The following EPHA6 variants were observed in gnomAD, a reference collection of about 807,000 sequenced individuals.
EPHA6 encodes EPH receptor A6, also known as ephrin type-A receptor 6.
Under a neutral mutation model 112.0 loss-of-function variants are expected in EPHA6, and 50 were observed. The ratio of observed to expected loss-of-function variants is 0.45; its 90% confidence interval spans 0.36 to 0.56. The LOEUF (loss-of-function observed/expected upper bound fraction) is 0.56, where lower values mean the gene tolerates loss of function less well. Ranked by LOEUF, EPHA6 falls within the 20% of genes least tolerant of loss-of-function variation. The pLI is 0.00. For synonymous variants in EPHA6, 529 were observed against 490.7 expected, an observed-to-expected ratio of 1.08 and a Z score of -1.03; for missense variants, 1,280 against 1,417.4, an observed-to-expected ratio of 0.90 and a Z score of 1.56.
chr3:96,919,648 G>C (rs2039661310), intron 2 of EPHA6, among the ~76,000 whole-genome samples: 1 of 151,834 alleles, frequency 6.6e-6, no homozygotes, highest in East Asian at 1.9e-4. Flanking sequence ...ACTATTTAAA[G>C]TTTCATAGAT....
intron 5 of EPHA6, among the ~76,000 whole-genome samples, chr3:97,357,886 A>C (rs1310202996): frequency 2.0e-5 from 3 of 152,216 alleles, no homozygotes; most frequent in Non-Finnish European, 4.4e-5. Context: ...GTGGAACATC[A>C]TAAAGGTCTT....
chr3:97,668,402 T>C (rs1361755255), intron 14 of EPHA6, among the ~76,000 whole-genome samples: 1 of 152,196 alleles, frequency 6.6e-6, no homozygotes, highest in Non-Finnish European at 1.5e-5. Flanking sequence ...TTGTCCAAGA[T>C]GTCAGAAATC....
Position 97,510,599 on chromosome 3 carries a change from C to T in EPHA6, c.2201-21759C>T, listed in dbSNP as rs1289586424. Among the ~76,000 whole-genome samples the T allele has an allele frequency of 2.0e-5, 3 of 152,214 alleles. No individual in the cohort carries two copies. In the East Asian group the frequency reaches 5.8e-4, roughly 30 times the overall value. On this transcript the variant is annotated intron_variant, in intron 10 of 17. Transcript: ENST00000389672. ...GGGCACCCACCAGATGCCAGTGGAG[C>T]TCTGTTATATGGGGTGTCTGTTGAC...
intron 7 of EPHA6, among the ~76,000 whole-genome samples, chr3:97,457,449 GA>G: frequency 6.6e-6 from 1 of 151,448 alleles, no homozygotes; most frequent in East Asian, 1.9e-4. Context: ...TTTCAGAGCT[GA>G]AAAAAAATCT....
At chr3:97,733,744 G>T (rs1466593) in intron 15 of EPHA6, among the ~76,000 whole-genome samples, 149,376 of 152,156 alleles carry the variant, frequency 0.98, 73,343 homozygotes, top group East Asian at 0.99. Flanking sequence ...CAGTTTGAGA[G>T]TATATTGTGC....
Position 96,925,421 on chromosome 3 carries a change from T to A in EPHA6, c.450+58532T>A, listed in dbSNP as rs535453106. ...TATCCATTTCTTCTAGATTTTCTAG[T>A]TTATTTGCATAGAGATGTTTATAGT... On this transcript the variant is annotated intron_variant, in intron 2 of 17. Transcript: ENST00000389672. 2.0e-5 allele frequency among the ~76,000 whole-genome samples: 3 copies of A among 152,296 alleles called. No homozygotes were observed. In the South Asian group the frequency reaches 6.2e-4, roughly 32 times the overall value.
chr3:97,584,382 A>G (rs1256221556), intron 11 of EPHA6, among the ~76,000 whole-genome samples: 1 of 152,144 alleles, frequency 6.6e-6, no homozygotes, highest in Non-Finnish European at 1.5e-5. Flanking sequence ...ATCATCCAAG[A>G]GATGTATTTT....
intron 3 of EPHA6, among the ~76,000 whole-genome samples, chr3:97,109,311 T>G (rs144614735): frequency 5.4e-4 from 82 of 152,246 alleles, no homozygotes; most frequent in African/African-American, 1.9e-3. Flanking sequence ...GACCCAAATT[T>G]AGGGTGAAGA....
rs2041912835 is a variant in EPHA6, at chr3:96,960,421, A to G, written c.451-26909A>G. Among the ~76,000 whole-genome samples, 3 of 152,110 alleles carry G rather than the reference A, an allele frequency of 2.0e-5. No individual in the cohort carries two copies. In the South Asian group the frequency reaches 6.2e-4, roughly 32 times the overall value. ...GGCTTCCCGTTTTGCCACTTTTGGC[A>G]ATTGCATCAACCTTCCCTCTTATAG... On this transcript the variant is annotated intron_variant, in intron 2 of 17. Transcript: ENST00000389672.
intron 1 of EPHA6, among the ~76,000 whole-genome samples, chr3:96,859,954 G>T (rs921395545): frequency 1.3e-5 from 2 of 152,050 alleles, no homozygotes; most frequent in African/African-American, 4.8e-5. Context: ...TGCTATATAT[G>T]CTATAAACTA....
At chr3:97,358,884 C>T (rs568511556) in intron 5 of EPHA6, among the ~76,000 whole-genome samples, 1 of 152,240 alleles carries the variant, frequency 6.6e-6, no homozygotes, top group South Asian at 2.1e-4. Context: ...CCACTGACTT[C>T]TGGCCTCCAA....
intron 10 of EPHA6, among the ~76,000 whole-genome samples, chr3:97,493,662 A>G (rs2091907145): frequency 7.0e-6 from 1 of 142,284 alleles, no homozygotes; most frequent in Admixed American, 6.8e-5. Context: ...GGAAGAAAGC[A>G]AGATATTACC....
At chr3:97,567,415 G>T (rs963829850) in intron 11 of EPHA6, among the ~76,000 whole-genome samples, 11 of 152,086 alleles carry the variant, frequency 7.2e-5, no homozygotes, top group African/African-American at 2.4e-4. Flanking sequence ...TATAAAATGG[G>T]CTAATAATAG....
Position 97,760,460 on chromosome 3 carries a change from CATT to C in EPHA6, c.*11766_*11768del, listed in dbSNP as rs1332560451. 5.7e-6 allele frequency: 1 copy of C among 173,976 alleles called. No homozygotes were observed. The highest frequency in any genetic ancestry group is 1.2e-5 in the Non-Finnish European group (1 of 80,908). 10.8% of individuals were successfully genotyped at this position (173,976 alleles called of 1,614,324 possible). A position where few individuals can be genotyped will look rare whatever the true frequency, so the allele number is the denominator to read the frequency against. On this transcript the variant is annotated 3_prime_UTR_variant, in exon 18 of 18. Transcript: ENST00000389672. ...TTCAATATGTTGGAATTTAAAGATG[CATT>C]ATTATTTGGATTTGATGTGAAATTA...
At chr3:96,947,832 C>G (rs898547473) in intron 2 of EPHA6, among the ~76,000 whole-genome samples, 1 of 152,046 alleles carries the variant, frequency 6.6e-6, no homozygotes, top group African/African-American at 2.4e-5. Flanking sequence ...CCCAAGGTAA[C>G]TTATAGATTC....
At chr3:97,451,775 G>T (rs1176513065) in intron 7 of EPHA6, among the ~76,000 whole-genome samples, 1 of 151,614 alleles carries the variant, frequency 6.6e-6, no homozygotes, top group Non-Finnish European at 1.5e-5. Context: ...GTACCCTCCT[G>T]GCTCTTCTTT....
rs565178212 is a variant in EPHA6 at position 97,539,743 on chromosome 3, A to G, written c.2386+7200A>G. On this transcript the variant is annotated intron_variant, in intron 11 of 17. Transcript: ENST00000389672. ...TGATATGAAAAGGATTGTGGTATCT[A>G]TAACACTCAACTTCCTTTCAAGACT... Among the ~76,000 whole-genome samples the G allele has an allele frequency of 5.3e-5, 8 of 152,338 alleles. No individual in the cohort carries two copies. The South Asian group carries it at 6.2e-4, about 12-fold the overall frequency.
In EPHA6 at chr3:97,466,248, A is replaced by C. The variant is rs750861633; in HGVS notation, c.1895-9104A>C. ...CTTGGGAGGCTGTGTTTATCATCAAAATCAAAAGATGACAGTAAGGTTAGA... is the reference window on the plus strand; with the variant it reads ...CTTGGGAGGCTGTGTTTATCATCAACATCAAAAGATGACAGTAAGGTTAGA... On this transcript the variant is annotated intron_variant, in intron 7 of 17. Coordinates refer to ENST00000389672, the MANE Select transcript of EPHA6 (RefSeq NM_001080448.3). 1.1e-5 allele frequency: 12 copies of C among 1,050,528 alleles called. No homozygotes were observed. The South Asian group carries it at 1.4e-4, about 12-fold the overall frequency. The allele number at this position is 1,050,528 out of a possible 1,614,324, so 65.1% of individuals were successfully genotyped here. A position where few individuals can be genotyped will look rare whatever the true frequency, so the allele number is the denominator to read the frequency against.
At chr3:97,423,118 A>T (rs920477711) in intron 6 of EPHA6, among the ~76,000 whole-genome samples, 8 of 152,202 alleles carry the variant, frequency 5.3e-5, no homozygotes, top group African/African-American at 1.9e-4. Flanking sequence ...TACTCTAACC[A>T]TGCCTATCCA....
Sources: gnomAD v4.1 joint callset for allele counts (sites outside exome capture counted in the v4.1 genomes callset) on GRCh38, gnomAD v4.1.1 for gene constraint, MANE v1.5 for transcripts, NCBI Gene and HGNC (gene_info 2026-07-23, HGNC 2026-07-21) for gene names.